Variants in ACVR1C observed in about 807,000 individuals in gnomAD.
ACVR1C encodes the protein activin receptor type-1C.
In ACVR1C, 23 loss-of-function variants were observed where a neutral mutation model predicts 57.9. That is an observed-to-expected ratio of 0.40 (90% confidence interval 0.29 to 0.56). The LOEUF (loss-of-function observed/expected upper bound fraction) is 0.56. ACVR1C is among the 20% of genes least tolerant of loss of function. The pLI is 0.50. For missense variants in ACVR1C, 480 were observed against 607.9 expected (o/e 0.79, Z 2.21); for synonymous variants, 214 against 215.3 (o/e 0.99, Z 0.05).
intron 2 of ACVR1C, among the ~76,000 whole-genome samples, chr2:157,572,348 C>A (rs1381003806): frequency 6.9e-6 from 1 of 144,940 alleles, no homozygotes; most frequent in Non-Finnish European, 1.5e-5. Context: ...CACATGTACC[C>A]CAAAACTTAG....
chr2:157,550,083 G>C, intron 4 of ACVR1C, 79 bp downstream of exon 4: 1 of 1,235,044 alleles, frequency 8.1e-7, no homozygotes, highest in South Asian at 1.4e-5. Context: ...TCTGATACTA[G>C]ACAACATTTT....
intron 2 of ACVR1C, among the ~76,000 whole-genome samples, chr2:157,556,963 A>G (rs1413576637): frequency 6.6e-6 from 1 of 152,146 alleles, no homozygotes; most frequent in African/African-American, 2.4e-5. Context: ...ATGCCTGGCC[A>G]CAGCAGTCCT....
chr2:157,615,088 T>G (rs1321514312), intron 1 of ACVR1C, among the ~76,000 whole-genome samples: 2 of 152,204 alleles, frequency 1.3e-5, no homozygotes, highest in African/African-American at 4.8e-5. Flanking sequence ...TTTACCCTCA[T>G]GCTTTTGGAT....
chr2:157,535,747 T>G (rs565165860), intron 8 of ACVR1C, among the ~76,000 whole-genome samples: 2 of 152,218 alleles, frequency 1.3e-5, no homozygotes, highest in South Asian at 4.1e-4. Context: ...CATGCCACTG[T>G]ACTCCAGCCT....
chr2:157,543,056 A>G (rs1215735677), intron 5 of ACVR1C, among the ~76,000 whole-genome samples, 194 bp from the exon 6 acceptor site: 1 of 152,216 alleles, frequency 6.6e-6, no homozygotes, highest in Admixed American at 6.5e-5. Context: ...CTGTAAACGA[A>G]TAAGGACAGT....
At chr2:157,627,164 C>T (rs1362286380) in intron 1 of ACVR1C, among the ~76,000 whole-genome samples, 2 of 152,176 alleles carry the variant, frequency 1.3e-5, no homozygotes, top group African/African-American at 4.8e-5. Flanking sequence ...CAGACAGCCT[C>T]CAGAGGCAGT....
chr2:157,553,441 A>C (rs907729878), intron 3 of ACVR1C, among the ~76,000 whole-genome samples: 1 of 151,972 alleles, frequency 6.6e-6, no homozygotes, highest in Non-Finnish European at 1.5e-5. Context: ...TCTGAAAACG[A>C]GAGAGTCCAG....
In ACVR1C at chr2:157,544,538, T is replaced by C. The variant is rs780640726; in HGVS notation, c.850A>G (p.Arg284Gly). Residue 284 changes from arginine to glycine, a missense_variant, in exon 5 of 9, where the codon AGA becomes GGA. Transcript: ENST00000243349. Reference protein sequence around the residue: ...EQGSLYDYLNRNIVTVAGMIK... With the variant: ...EQGSLYDYLNGNIVTVAGMIK... The stretch of plus-strand genomic sequence containing the variant: ...ATTCCAGCCACGGTCACTATATTTC[T>C]ATTCAAATAGTCATATAAGGAGCCC... The C allele has an allele frequency of 1.2e-6, 2 of 1,614,056 alleles. No homozygotes were observed. Among genetic ancestry groups the C allele is most frequent in the Non-Finnish European group, 1.7e-6 (2 of 1,179,934 alleles).
chr2:157,588,349 T>C (rs1688977282), intron 1 of ACVR1C, among the ~76,000 whole-genome samples: 1 of 151,912 alleles, frequency 6.6e-6, no homozygotes, highest in South Asian at 2.1e-4. Flanking sequence ...ATGAAGCGCC[T>C]AGTGGTTGAG....
chr2:157,557,056 G>A (rs748225123), intron 2 of ACVR1C, among the ~76,000 whole-genome samples: 3 of 152,058 alleles, frequency 2.0e-5, no homozygotes, highest in Non-Finnish European at 2.9e-5. Flanking sequence ...CCAGGTACTG[G>A]AGATACAATG....
At chr2:157,573,412 T>C (rs1021694086) in intron 2 of ACVR1C, among the ~76,000 whole-genome samples, 2 of 152,168 alleles carry the variant, frequency 1.3e-5, no homozygotes, top group African/African-American at 4.8e-5. Flanking sequence ...TAGTGAAAAA[T>C]ATAATGGCAT....
chr2:157,567,080 T>C (rs1209887129), intron 2 of ACVR1C, among the ~76,000 whole-genome samples: 2 of 98,126 alleles, frequency 2.0e-5, no homozygotes, highest in Non-Finnish European at 4.2e-5. Flanking sequence ...GCAGCCTAAC[T>C]GGGAGGCACC....
intron 2 of ACVR1C, among the ~76,000 whole-genome samples, chr2:157,566,338 T>C (rs1558980520): frequency 6.6e-6 from 1 of 152,316 alleles, no homozygotes; most frequent in African/African-American, 2.4e-5. Context: ...AAGTCTATGC[T>C]AGCTAGTGGG....
At chr2:157,554,736 T>C (rs72925448) in intron 3 of ACVR1C, among the ~76,000 whole-genome samples, 1,858 of 152,258 alleles carry the variant, frequency 0.012, 21 homozygotes, top group Non-Finnish European at 0.021. Flanking sequence ...CTCTGTTAAT[T>C]GTTACTGCCT....
rs1219971855 is a variant in ACVR1C at position 157,533,907 on chromosome 2, A to G, written c.*11T>C. On this transcript the variant is annotated 3_prime_UTR_variant, in exon 9 of 9. Transcript: ENST00000243349. Reference sequence around the variant, plus strand: ...GCTATGAGAGATTTCTTTTTAACATAATTATCATCATTAGGCTTTGCAGTC... The same window carrying G: ...GCTATGAGAGATTTCTTTTTAACATGATTATCATCATTAGGCTTTGCAGTC... The G allele has an allele frequency of 1.3e-6, 2 of 1,544,508 alleles. No individual in the cohort carries two copies. Among genetic ancestry groups the G allele is most frequent in the Non-Finnish European group, 1.7e-6 (2 of 1,151,858 alleles).
At chr2:157,595,855 CAGGTCT>C (rs1682094286) in intron 1 of ACVR1C, among the ~76,000 whole-genome samples, 1 of 152,162 alleles carries the variant, frequency 6.6e-6, no homozygotes, top group African/African-American at 2.4e-5. Flanking sequence ...TCTCATTCTC[CAGGTCT>C]CAGCTCAAAT....
chr2:157,538,341 G>A (rs1687536027), intron 8 of ACVR1C, among the ~76,000 whole-genome samples: 1 of 152,164 alleles, frequency 6.6e-6, no homozygotes. Context: ...GTGTAAGCAA[G>A]AAATAAAGTC....
intron 2 of ACVR1C, among the ~76,000 whole-genome samples, chr2:157,562,362 G>A (rs1336311199): frequency 1.4e-5 from 2 of 146,224 alleles, no homozygotes; most frequent in African/African-American, 5.0e-5. Flanking sequence ...AAGATTGGGT[G>A]AGGAGGCCCA....
intron 1 of ACVR1C, among the ~76,000 whole-genome samples, chr2:157,605,075 A>G (rs1211743943): frequency 2.6e-5 from 4 of 151,746 alleles, no homozygotes; most frequent in Non-Finnish European, 4.4e-5. Context: ...TAAACATGCA[A>G]GAGATTTTGA....
Sources: allele counts gnomAD v4.1 joint callset (sites outside exome capture counted in the v4.1 genomes callset), GRCh38; gene constraint gnomAD v4.1.1; transcripts MANE v1.5; gene names NCBI Gene and HGNC (gene_info 2026-07-23, HGNC 2026-07-21).